Variants in NIFK observed in about 807,000 individuals in gnomAD.
The protein encoded by NIFK is nucleolar protein interacting with the FHA domain of MKI67, also known as MKI67 FHA domain-interacting nucleolar phosphoprotein.
NIFK carries 16 observed loss-of-function variants against 31.7 expected under a neutral mutation model. That is an observed-to-expected ratio of 0.50 (90% CI 0.34 to 0.77). The LOEUF (loss-of-function observed/expected upper bound fraction) is 0.77. NIFK is among the 30% of genes least tolerant of loss of function. The pLI is 0.01. For missense variants in NIFK, 341 were observed against 350.4 expected (o/e 0.97, Z 0.21); for synonymous variants, 126 against 123.0 (o/e 1.02, Z -0.16).
In NIFK at chr2:121,727,671, T is replaced by C. The variant is rs1472466664; in HGVS notation, c.*53A>G. 2 of 1,327,682 alleles carry C rather than the reference T, an allele frequency of 1.5e-6. No homozygotes were observed. The highest frequency in any genetic ancestry group is 2.1e-6 in the Non-Finnish European group (2 of 947,396). The allele number at this position is 1,327,682 out of a possible 1,614,324, so 82.2% of individuals were successfully genotyped here. A position where few individuals can be genotyped will look rare whatever the true frequency, so the allele number is the denominator to read the frequency against. Reference sequence around the variant, plus strand: ...CCATTGTACCTAGTGAAATACAAAGTCCACTCTCATAAAAATATTATATTT... The same window carrying C: ...CCATTGTACCTAGTGAAATACAAAGCCCACTCTCATAAAAATATTATATTT... On this transcript the variant is annotated 3_prime_UTR_variant, in exon 7 of 7. Coordinates refer to ENST00000285814, the MANE Select transcript of NIFK (RefSeq NM_032390.5).
Position 121,736,788 on chromosome 2 carries a change from C to T in NIFK, c.63G>A (p.Glu21=). The stretch of plus-strand genomic sequence containing the variant: ...GAACCTGCGCCACCTCCTTTTGAAA[C>T]TCGACATCTTCCTGCGGATTAAGCG... ...ILSLNPQEDV[E]FQKEVAQVRK... The change falls in exon 1 of 7, where the codon GAG becomes GAA. Residue 21 remains glutamate, a synonymous_variant. Coordinates refer to ENST00000285814, the MANE Select transcript of NIFK (RefSeq NM_032390.5). 7 of 1,614,176 alleles carry T rather than the reference C, an allele frequency of 4.3e-6. No individual in the cohort carries two copies. Among genetic ancestry groups the T allele is most frequent in the Non-Finnish European group, 5.9e-6 (7 of 1,179,996 alleles).
intron 2 of NIFK, 125 bp downstream of exon 2, chr2:121,735,488 T>C (rs2074572407): frequency 9.8e-7 from 1 of 1,024,398 alleles, no homozygotes; most frequent in African/African-American, 1.6e-5. Flanking sequence ...ATTCTAAACC[T>C]CCTCCACTCT....
At chr2:121,735,566 T>C (rs750379338) in intron 2 of NIFK, 47 bp downstream of exon 2, 4 of 1,587,908 alleles carry the variant, frequency 2.5e-6, no homozygotes, top group Non-Finnish European at 3.5e-6. Context: ...TCAAGGATAA[T>C]ACACATTTGA....
chr2:121,731,073 T>G lies in NIFK; in HGVS notation c.384A>C (p.Lys128Asn). 1 of 1,588,916 alleles carries G rather than the reference T, an allele frequency of 6.3e-7. No individual in the cohort carries two copies. Among genetic ancestry groups the G allele is most frequent in the Non-Finnish European group, 8.6e-7 (1 of 1,169,320 alleles). ...CHFMPPEKVH[K>N]ELFKDWNIPF... ...GAATATTCCAGTCTTTAAAGAGTTC[T>G]TTATGTACTTTTTCAGGTGGCATAA... The change falls in exon 4 of 7, where the codon AAA becomes AAC. Residue 128 changes from lysine (K) to asparagine (N), a missense_variant. Transcript: ENST00000285814.
chr2:121,731,611 A>G (rs186881330), intron 3 of NIFK, among the ~76,000 whole-genome samples: 2 of 152,158 alleles, frequency 1.3e-5, no homozygotes, highest in Non-Finnish European at 2.9e-5. Context: ...GAAGGCCTTC[A>G]GTAACCTGAC....
chr2:121,732,058 G>GCAC, intron 3 of NIFK, 38 bp downstream of exon 3: 2 of 1,223,484 alleles, frequency 1.6e-6, no homozygotes, highest in Non-Finnish European at 2.4e-6. Flanking sequence ...CCAACAGCAG[G>GCAC]CACCCAGGCA....
chr2:121,728,477 C>T lies in NIFK; in HGVS notation c.624G>A (p.Gln208=). The stretch of plus-strand genomic sequence containing the variant: ...TGTAAAATGATAAAAAAAATTTTAC[C>T]TGGCCTTTTGTAGACGTCTGACGAT... ...KTNRQTSTKG[Q]VLRKKKKKVS... Residue 208 remains glutamine, a splice_region_variant and synonymous_variant, in exon 5 of 7, where the codon CAG becomes CAA. Coordinates refer to ENST00000285814, the MANE Select transcript of NIFK (RefSeq NM_032390.5). 6.3e-7 allele frequency: 1 copy of T among 1,582,646 alleles called. No homozygotes were observed. Among genetic ancestry groups the T allele is most frequent in the South Asian group, 1.2e-5 (1 of 85,390 alleles).
At chr2:121,735,863 G>T in intron 1 of NIFK, 113 bp from the exon 2 acceptor site, 1 of 815,960 alleles carries the variant, frequency 1.2e-6, no homozygotes, top group Non-Finnish European at 1.9e-6. Flanking sequence ...TACCACAGTA[G>T]TAATTAAAGA....
intron 2 of NIFK, among the ~76,000 whole-genome samples, chr2:121,732,891 G>A (rs1264789551): frequency 6.6e-6 from 1 of 151,992 alleles, no homozygotes; most frequent in East Asian, 1.9e-4. Context: ...GACCAGCCTG[G>A]CCAACATGGT....
chr2:121,733,006 T>C (rs558058751), intron 2 of NIFK, among the ~76,000 whole-genome samples: 40 of 151,710 alleles, frequency 2.6e-4, no homozygotes, highest in African/African-American at 9.2e-4. Flanking sequence ...CACTTGAACC[T>C]GAGAGGCAGA....
At chr2:121,728,767 G>T (rs2074514391) in intron 4 of NIFK, among the ~76,000 whole-genome samples, 1 of 152,168 alleles carries the variant, frequency 6.6e-6, no homozygotes, top group Non-Finnish European at 1.5e-5. Flanking sequence ...AAAACCTGGA[G>T]CTCACTGATT....
intron 1 of NIFK, 190 bp from the exon 2 acceptor site, chr2:121,735,940 C>T: frequency 1.8e-6 from 1 of 566,686 alleles, no homozygotes; most frequent in Non-Finnish European, 3.1e-6. Context: ...ATCTTTCCAG[C>T]CTGGCATCCC....
chr2:121,733,299 G>A (rs951494725), intron 2 of NIFK, among the ~76,000 whole-genome samples: 10 of 152,104 alleles, frequency 6.6e-5, no homozygotes, highest in African/African-American at 2.4e-4. Flanking sequence ...TGGATCACCT[G>A]AGATTGGGAG....
chr2:121,735,273 A>G (rs2074570874), intron 2 of NIFK, among the ~76,000 whole-genome samples: 1 of 152,220 alleles, frequency 6.6e-6, no homozygotes, highest in South Asian at 2.1e-4. Context: ...GTCCAACTCC[A>G]GAGTCCTCAC....
rs748106261 is a variant in NIFK, at chr2:121,731,043, A to G, written c.414T>C (p.Phe138=). 21 of 1,613,312 alleles carry G rather than the reference A, an allele frequency of 1.3e-5. No homozygotes were observed. Among genetic ancestry groups the G allele is most frequent in the Non-Finnish European group, 1.8e-5 (21 of 1,179,428 alleles). ...TCACTGATGGATATGATGGCTGCTTAAATGGAATATTCCAGTCTTTAAAGA... is the reference window on the plus strand; with the variant it reads ...TCACTGATGGATATGATGGCTGCTTGAATGGAATATTCCAGTCTTTAAAGA... ...KELFKDWNIP[F]KQPSYPSVKR... Residue 138 remains phenylalanine, a synonymous_variant, in exon 4 of 7, where the codon TTT becomes TTC. Transcript: ENST00000285814.
intron 1 of NIFK, among the ~76,000 whole-genome samples, chr2:121,736,451 G>C (rs946131802): frequency 1.1e-4 from 17 of 152,214 alleles, no homozygotes; most frequent in Admixed American, 4.6e-4. Flanking sequence ...TCTTTCTACT[G>C]CTTCTGTCAC....
rs1013842200 is a variant in NIFK, at chr2:121,727,561, C to T, written c.*163G>A. The T allele has an allele frequency of 5.5e-6, 4 of 728,292 alleles. No individual in the cohort carries two copies. The highest frequency in any genetic ancestry group is 9.9e-6 in the Non-Finnish European group (4 of 404,274). The allele number at this position is 728,292 out of a possible 1,614,324, so 45.1% of individuals were successfully genotyped here. On this transcript the variant is annotated 3_prime_UTR_variant, in exon 7 of 7. Coordinates refer to ENST00000285814, the MANE Select transcript of NIFK (RefSeq NM_032390.5). ...TGCACCCCTGTATTTCAGCCAAGGG[C>T]AGGCAATCCAAAATTACACACTGCT...
chr2:121,736,089 G>A (rs1415379685), intron 1 of NIFK, among the ~76,000 whole-genome samples: 1 of 152,178 alleles, frequency 6.6e-6, no homozygotes, highest in African/African-American at 2.4e-5. Flanking sequence ...GCATATTACT[G>A]TTTACTCGCA....
chr2:121,730,846 C>A lies in NIFK; in HGVS notation c.564+47G>T, dbSNP rs1057332499. The A allele has an allele frequency of 7.4e-6, 10 of 1,359,178 alleles. No individual in the cohort carries two copies. The Admixed American group carries it at 1.3e-4, about 18-fold the overall frequency. The allele number at this position is 1,359,178 out of a possible 1,614,324, so 84.2% of individuals were successfully genotyped here. On this transcript the variant is annotated intron_variant, in intron 4 of 6. Transcript: ENST00000285814. ...ACTTTACAAGGTACAAAGCTGCCCC[C>A]TCCCCTCCCCACAACAAACCACAAA... is the stretch of plus-strand genomic sequence containing the variant.
Sources: gnomAD v4.1 joint callset for allele counts (sites outside exome capture counted in the v4.1 genomes callset) on GRCh38, gnomAD v4.1.1 for gene constraint, MANE v1.5 for transcripts, NCBI Gene and HGNC (gene_info 2026-07-23, HGNC 2026-07-21) for gene names.